The following RPTOR variants were observed in gnomAD, a reference collection of about 807,000 sequenced individuals.
RPTOR encodes regulatory-associated protein of mTOR.
RPTOR carries 21 observed loss-of-function variants against 169.9 expected under a neutral mutation model. The observed-to-expected ratio is 0.12, with a 90% CI of 0.09 to 0.18. The LOEUF is 0.18. Ranked by LOEUF, RPTOR falls within the 10% of genes least tolerant of loss-of-function variation. The pLI is 1.00. For missense variants in RPTOR, 1,133 were observed against 1,855.9 expected (o/e 0.61, Z 7.16); for synonymous variants, 732 against 753.2 (o/e 0.97, Z 0.46).
chr17:80,778,810 G>T (rs1417352305), intron 6 of RPTOR, among the ~76,000 whole-genome samples: 1 of 152,190 alleles, frequency 6.6e-6, no homozygotes, highest in African/African-American at 2.4e-5. Flanking sequence ...TCTCTTAAAA[G>T]AATAAAATAT....
At chr17:80,918,524 G>GAGTCATAGCCACGAGCACCCTCGCC in intron 21 of RPTOR, among the ~76,000 whole-genome samples, 2 of 70,160 alleles carry the variant, frequency 2.9e-5, no homozygotes, top group African/African-American at 1.0e-4. Flanking sequence ...CACCCTCGCG[G>GAGTCATAGCCACGAGCACCCTCGCC]GGGTCATAGC....
intron 7 of RPTOR, among the ~76,000 whole-genome samples, chr17:80,799,722 T>TGCACACCCCTTCCCTCCCC (rs1567917802): frequency 1.3e-5 from 2 of 151,156 alleles, no homozygotes; most frequent in South Asian, 4.2e-4. Flanking sequence ...CTCCCCTCCC[T>TGCACACCCCTTCCCTCCCC]GGCGGCCGCC....
intron 11 of RPTOR, among the ~76,000 whole-genome samples, chr17:80,850,366 C>T (rs1407691120): frequency 6.6e-6 from 1 of 152,218 alleles, no homozygotes; most frequent in African/African-American, 2.4e-5. Context: ...CTGTTTCACC[C>T]ATGTTGATGC....
chr17:80,876,658 G>C (rs1462639241), intron 13 of RPTOR, among the ~76,000 whole-genome samples: 6 of 101,800 alleles, frequency 5.9e-5, no homozygotes, highest in East Asian at 6.4e-4. Flanking sequence ...CCCGTGCCAC[G>C]CAGGGTGTGT....
At chr17:80,779,440 G>A (rs141271250) in intron 6 of RPTOR, among the ~76,000 whole-genome samples, 13 of 152,318 alleles carry the variant, frequency 8.5e-5, no homozygotes, top group East Asian at 7.7e-4. Context: ...ACTCCTTGGC[G>A]CAAGCAGCGT....
chr17:80,813,059 C>T (rs1418972453), intron 7 of RPTOR, among the ~76,000 whole-genome samples: 1 of 152,216 alleles, frequency 6.6e-6, no homozygotes, highest in Non-Finnish European at 1.5e-5. Context: ...GAGGCCGCTC[C>T]TCTACCTTTA....
At chr17:80,575,519 A>G (rs967729235) in intron 1 of RPTOR, among the ~76,000 whole-genome samples, 1 of 152,204 alleles carries the variant, frequency 6.6e-6, no homozygotes. Context: ...GCCATGTGCG[A>G]ATGGCGCCCC....
chr17:80,744,514 C>CTA (rs2066542400), intron 5 of RPTOR, among the ~76,000 whole-genome samples: 3 of 66,702 alleles, frequency 4.5e-5, no homozygotes, highest in Admixed American at 3.9e-4. Context: ...GTCCTGGTTA[C>CTA]GAGCACAGCC....
chr17:80,680,998 C>G (rs1375478585), intron 3 of RPTOR, among the ~76,000 whole-genome samples: 3 of 151,998 alleles, frequency 2.0e-5, no homozygotes, highest in African/African-American at 7.3e-5. Flanking sequence ...AGAGGGAGCC[C>G]GTGAGGCTCA....
intron 1 of RPTOR, among the ~76,000 whole-genome samples, chr17:80,572,214 C>T (rs1402110808): frequency 6.6e-6 from 1 of 152,150 alleles, no homozygotes; most frequent in Non-Finnish European, 1.5e-5. Flanking sequence ...CTTCCCACCT[C>T]AGCCTCCCAA....
chr17:80,671,405 A>G (rs2065821093), intron 3 of RPTOR, among the ~76,000 whole-genome samples: 1 of 152,168 alleles, frequency 6.6e-6, no homozygotes, highest in Non-Finnish European at 1.5e-5. Context: ...TCTTGCCAGA[A>G]CACTCTCTAA....
chr17:80,631,844 CAGG>C (rs2065444780), intron 2 of RPTOR, among the ~76,000 whole-genome samples: 1 of 152,158 alleles, frequency 6.6e-6, no homozygotes. Flanking sequence ...GAGGCTGCAG[CAGG>C]AGGATTGCTT....
intron 24 of RPTOR, among the ~76,000 whole-genome samples, chr17:80,930,425 TCATCCTCATCCC>T (rs2068878546): frequency 0.017 from 6 of 350 alleles, no homozygotes; most frequent in South Asian, 0.091. Context: ...CATCCTCAGC[TCATCCTCATCCC>T]CAGCTCATCC....
At chr17:80,840,898 A>T in intron 10 of RPTOR, among the ~76,000 whole-genome samples, 1 of 123,548 alleles carries the variant, frequency 8.1e-6, no homozygotes. Flanking sequence ...GCTCACACTC[A>T]CCACACGGCA....
In RPTOR at chr17:80,746,426, C is replaced by A. The variant is rs1413853565; in HGVS notation, c.655-7584C>A. Among the ~76,000 whole-genome samples the A allele has an allele frequency of 6.6e-6, 1 of 152,234 alleles. No homozygotes were observed. Among genetic ancestry groups the A allele is most frequent in the East Asian group, 1.9e-4 (1 of 5,192 alleles). ...CTGCCCGCTTACCTCATGAACTGCGCGTGCACTGACTCCACATTACCCACA... is the reference window on the plus strand; with the variant it reads ...CTGCCCGCTTACCTCATGAACTGCGAGTGCACTGACTCCACATTACCCACA... On this transcript the variant is annotated intron_variant, in intron 5 of 33. Coordinates refer to ENST00000306801, the MANE Select transcript of RPTOR (RefSeq NM_020761.3). The surrounding 1 kb of genome is among the most constrained non-coding windows in gnomAD (Gnocchi z 4.5).
chr17:80,812,821 C>A (rs910880633), intron 7 of RPTOR, among the ~76,000 whole-genome samples: 5 of 152,260 alleles, frequency 3.3e-5, no homozygotes, highest in African/African-American at 1.2e-4. Context: ...GTTCTCAAAA[C>A]CCTAAACCTG....
chr17:80,618,646 T>G lies in RPTOR; in HGVS notation c.163-7045T>G, dbSNP rs551184010. Among the ~76,000 whole-genome samples the G allele has an allele frequency of 2.0e-5, 3 of 152,310 alleles. No individual in the cohort carries two copies. In the South Asian group the frequency reaches 6.2e-4, roughly 32 times the overall value. The stretch of plus-strand genomic sequence containing the variant: ...GGCAGATTTTAAAAGCAGTGATACA[T>G]AGACAGAATTTGGCCTAAAAAAAGA... On this transcript the variant is annotated intron_variant, in intron 1 of 33. Coordinates refer to ENST00000306801, the MANE Select transcript of RPTOR (RefSeq NM_020761.3).
intron 20 of RPTOR, among the ~76,000 whole-genome samples, chr17:80,903,935 G>A (rs868432): frequency 0.45 from 69,033 of 152,162 alleles, 16,173 homozygotes; most frequent in African/African-American, 0.56. Context: ...GTCAGAAGAC[G>A]GTGGTGAGAA....
At chr17:80,725,470 A>T (rs950608872) in intron 4 of RPTOR, among the ~76,000 whole-genome samples, 1 of 152,242 alleles carries the variant, frequency 6.6e-6, no homozygotes, top group Non-Finnish European at 1.5e-5. Context: ...AATGAAAACC[A>T]TTGGCCACAA....
Sources: gnomAD v4.1 joint callset for allele counts (sites outside exome capture counted in the v4.1 genomes callset) on GRCh38, gnomAD v4.1.1 for gene constraint, Gnocchi (gnomAD v3.1) non-coding constraint, MANE v1.5 for transcripts, NCBI Gene and HGNC (gene_info 2026-07-23, HGNC 2026-07-21) for gene names.